Variants in BPI observed in about 807,000 individuals in gnomAD.
The protein encoded by BPI is bactericidal permeability-increasing protein.
BPI carries 48 observed loss-of-function variants against 57.6 expected under a neutral mutation model. That is an observed-to-expected ratio of 0.83 (90% CI 0.66 to 1.06). The LOEUF is 1.06. BPI is among the 50% of genes least tolerant of loss of function. The probability of loss-of-function intolerance (pLI) is 0.00; values close to 1 mark genes in which losing one functional copy is unlikely to be tolerated. For missense variants in BPI, 651 were observed against 609.7 expected (o/e 1.07, Z -0.71); for synonymous variants, 237 against 238.2 (o/e 0.99, Z 0.05).
chr20:38,328,851 T>C (rs1443856820), intron 11 of BPI, among the ~76,000 whole-genome samples: 3 of 150,206 alleles, frequency 2.0e-5, no homozygotes, highest in Non-Finnish European at 3.0e-5. Flanking sequence ...AAAAAAATTG[T>C]TTTAATTAGC....
At chr20:38,305,305 C>A (rs1430972056) in intron 1 of BPI, among the ~76,000 whole-genome samples, 2 of 152,118 alleles carry the variant, frequency 1.3e-5, no homozygotes, top group Non-Finnish European at 2.9e-5. Context: ...TGAAGCCTGT[C>A]GACACAGAGG....
chr20:38,324,847 T>C lies in BPI; in HGVS notation c.993+14T>C. On this transcript the variant is annotated intron_variant, in intron 9 of 14. Coordinates refer to ENST00000642449, the MANE Select transcript of BPI (RefSeq NM_001725.3). ...TTCCTACCTGAGGTATGGAAGACCT[T>C]GCTTTCCTTTAGTGAGCCCCGGGGG... The C allele has an allele frequency of 6.2e-7, 1 of 1,606,450 alleles. No homozygotes were observed. Among genetic ancestry groups the C allele is most frequent in the Non-Finnish European group, 8.5e-7 (1 of 1,173,032 alleles).
At chr20:38,318,860 G>A (rs2076666738) in intron 6 of BPI, among the ~76,000 whole-genome samples, 2 of 152,174 alleles carry the variant, frequency 1.3e-5, no homozygotes, top group Non-Finnish European at 2.9e-5. Flanking sequence ...TTGGCAAGCT[G>A]CAAAGAACTG....
chr20:38,335,603 C>G lies in BPI; in HGVS notation c.1342C>G (p.Leu448Val), dbSNP rs1438493875. Reference sequence around the variant, plus strand: ...ACCATCGGTCTCTGTCACAGAGAAACTACAGAAAGGCTTCCCTCTCCCGAC... The same window carrying G: ...ACCATCGGTCTCTGTCACAGAGAAAGTACAGAAAGGCTTCCCTCTCCCGAC... ...ILVLPRVNEKLQKGFPLPTPA... is the reference protein window; with the variant it reads ...ILVLPRVNEKVQKGFPLPTPA... The change falls in exon 14 of 15, where the codon CTA becomes GTA. Residue 448 changes from leucine (L) to valine (V), a missense_variant. By Grantham distance (32) the Leu-to-Val change is conservative. Coordinates refer to ENST00000642449, the MANE Select transcript of BPI (RefSeq NM_001725.3). 5 of 1,613,940 alleles carry G rather than the reference C, an allele frequency of 3.1e-6. No individual in the cohort carries two copies. The highest frequency in any genetic ancestry group is 1.7e-5 in the Admixed American group (1 of 60,012).
At chr20:38,335,442 C>A in intron 13 of BPI, 156 bp from the exon 14 acceptor site, 1 of 671,462 alleles carries the variant, frequency 1.5e-6, no homozygotes. Context: ...GACTCTGGGG[C>A]AGCCTTCCTT....
chr20:38,318,502 T>A, intron 6 of BPI, 26 bp downstream of exon 6: 1 of 1,605,806 alleles, frequency 6.2e-7, no homozygotes, highest in East Asian at 2.2e-5. Context: ...AGATCAAGGA[T>A]AGAAAGGAAC....
At chr20:38,336,698 C>T (rs1376843682) in intron 14 of BPI, among the ~76,000 whole-genome samples, 1 of 152,066 alleles carries the variant, frequency 6.6e-6, no homozygotes, top group African/African-American at 2.4e-5. Context: ...GCAGAGGAAA[C>T]ACATACCGCA....
At chr20:38,325,013 T>A (rs1335877203) in intron 9 of BPI, among the ~76,000 whole-genome samples, 180 bp downstream of exon 9, 1 of 152,124 alleles carries the variant, frequency 6.6e-6, no homozygotes, top group East Asian at 1.9e-4. Flanking sequence ...AAGCGCCCAG[T>A]TGACCAGGTG....
chr20:38,331,119 C>T lies in BPI; in HGVS notation c.1272+29C>T, dbSNP rs1444917521. 1.9e-6 allele frequency: 3 copies of T among 1,610,996 alleles called. No homozygotes were observed. In the African/African-American group the frequency reaches 4.0e-5, roughly 22 times the overall value. On this transcript the variant is annotated intron_variant, in intron 12 of 14. Coordinates refer to ENST00000642449, the MANE Select transcript of BPI (RefSeq NM_001725.3). ...AGTCTGAGGCCCTTGGTGGCTTCTT[C>T]CTCCTTCTGACCTGGCGGCGGGGAG...
intron 11 of BPI, among the ~76,000 whole-genome samples, chr20:38,327,862 A>T (rs2122552795): frequency 6.6e-6 from 1 of 152,288 alleles, no homozygotes; most frequent in East Asian, 1.9e-4. Flanking sequence ...GACTTGCTCG[A>T]GGTCACACAT....
At chr20:38,318,511 A>G in intron 6 of BPI, 35 bp downstream of exon 6, 1 of 1,600,196 alleles carries the variant, frequency 6.2e-7, no homozygotes, top group Non-Finnish European at 8.6e-7. Context: ...ATAGAAAGGA[A>G]CAGAAATGGG....
At chr20:38,304,493 G>T (rs906353656) in intron 1 of BPI, 140 bp downstream of exon 1, 2 of 1,225,100 alleles carry the variant, frequency 1.6e-6, no homozygotes, top group African/African-American at 1.5e-5. Context: ...TTTTATATAT[G>T]AAGAAACTGA....
intron 5 of BPI, among the ~76,000 whole-genome samples, chr20:38,317,154 A>G (rs2076656278): frequency 6.6e-6 from 1 of 152,188 alleles, no homozygotes; most frequent in Admixed American, 6.5e-5. Flanking sequence ...CGAGAGCAAC[A>G]TCAGGAGAGG....
Position 38,327,698 on chromosome 20 carries a change from C to T in BPI, c.1229+43C>T, listed in dbSNP as rs5741810. ...AGGAGGAGGGGGCTGCCCCTCTGTC[C>T]TTGGTGTCTGTGGGATGACAGTGGT... On this transcript the variant is annotated intron_variant, in intron 11 of 14. Transcript: ENST00000642449. The T allele has an allele frequency of 0.034, 54,316 of 1,597,498 alleles. 5,842 individuals carry two copies. The East Asian group carries it at 0.45, about 13-fold the overall frequency.
intron 9 of BPI, among the ~76,000 whole-genome samples, chr20:38,325,981 A>C (rs1305640836): frequency 2.0e-5 from 3 of 152,154 alleles, no homozygotes; most frequent in Non-Finnish European, 4.4e-5. Context: ...AAAGTATCTA[A>C]CAATGGGGAA....
At chr20:38,328,474 T>TG (rs753798943) in intron 11 of BPI, among the ~76,000 whole-genome samples, 11 of 152,084 alleles carry the variant, frequency 7.2e-5, no homozygotes, top group Admixed American at 2.0e-4. Flanking sequence ...GGCTTGAACC[T>TG]GGGAGGTGGA....
At chr20:38,304,759 C>A (rs962124112) in intron 1 of BPI, among the ~76,000 whole-genome samples, 2 of 152,188 alleles carry the variant, frequency 1.3e-5, no homozygotes, top group Non-Finnish European at 2.9e-5. Flanking sequence ...ACCTCCCCAC[C>A]CCGTGCTCTC....
At chr20:38,308,534 A>C (rs973261387) in intron 2 of BPI, among the ~76,000 whole-genome samples, 2 of 152,216 alleles carry the variant, frequency 1.3e-5, no homozygotes, top group Non-Finnish European at 2.9e-5. Flanking sequence ...ATAGTGAAAC[A>C]AGACAGAGCT....
chr20:38,334,566 C>G (rs994285483), intron 13 of BPI, 73 bp downstream of exon 13: 1 of 1,462,762 alleles, frequency 6.8e-7, no homozygotes, highest in African/African-American at 1.4e-5. Flanking sequence ...CCACAGCCAC[C>G]TGTTACCTGG....
Sources: gnomAD v4.1 joint callset for allele counts (sites outside exome capture counted in the v4.1 genomes callset) on GRCh38, gnomAD v4.1.1 for gene constraint, MANE v1.5 for transcripts, NCBI Gene and HGNC (gene_info 2026-07-23, HGNC 2026-07-21) for gene names.